The following SNX29 variants were observed in gnomAD, a reference collection of about 807,000 sequenced individuals.
The protein encoded by SNX29 is sorting nexin-29.
SNX29 carries 78 observed loss-of-function variants against 102.1 expected under a neutral mutation model. That is an observed-to-expected ratio of 0.76 (90% confidence interval 0.64 to 0.92). The LOEUF is 0.92. Ranked by LOEUF, SNX29 falls within the 40% of genes least tolerant of loss-of-function variation. The pLI is 0.00. For missense variants in SNX29, 1,280 were observed against 1,061.7 expected (o/e 1.21, Z -2.86); for synonymous variants, 580 against 414.5 (o/e 1.40, Z -4.85).
At chr16:12,564,046 T>C (rs551581737) in intron 20 of SNX29, among the ~76,000 whole-genome samples, 1 of 146,374 alleles carries the variant, frequency 6.8e-6, no homozygotes, top group East Asian at 2.4e-4. Context: ...CGGTAAAAGG[T>C]TGTGGTTTGG....
At chr16:12,550,531 CAA>C (rs34325828) in intron 20 of SNX29, among the ~76,000 whole-genome samples, 43,025 of 107,988 alleles carry the variant, frequency 0.4, 7,514 homozygotes, top group East Asian at 0.71. Flanking sequence ...TCTCAATCTA[CAA>C]AAAAAAAAAA....
chr16:12,476,413 CATATATATATATATAT>C (rs61390803), intron 18 of SNX29, among the ~76,000 whole-genome samples: 4 of 19,526 alleles, frequency 2.0e-4, no homozygotes, highest in African/African-American at 3.1e-4. Context: ...TATATATATA[CATATATATATATATAT>C]ATATATATAT....
At chr16:12,382,767 G>C (rs1395895080) in intron 16 of SNX29, among the ~76,000 whole-genome samples, 1 of 152,120 alleles carries the variant, frequency 6.6e-6, no homozygotes, top group Non-Finnish European at 1.5e-5. Flanking sequence ...TCTAGCCTCG[G>C]GTGGCTCCAG....
At chr16:12,031,532 C>T (rs981823816) in intron 4 of SNX29, among the ~76,000 whole-genome samples, 2 of 151,410 alleles carry the variant, frequency 1.3e-5, no homozygotes, top group African/African-American at 2.4e-5. Context: ...TATGGCCGGG[C>T]GTGGTGGCTC....
chr16:12,566,318 T>G (rs893136077), intron 20 of SNX29, among the ~76,000 whole-genome samples: 1 of 152,084 alleles, frequency 6.6e-6, no homozygotes, highest in Non-Finnish European at 1.5e-5. Context: ...CTATGTCCTC[T>G]CCCTACCCCT....
chr16:12,185,575 C>CT, intron 13 of SNX29, among the ~76,000 whole-genome samples: 1 of 152,296 alleles, frequency 6.6e-6, no homozygotes, highest in African/African-American at 2.4e-5. Flanking sequence ...TCACCTTTCT[C>CT]TCTCCCTCTG....
chr16:12,465,597 A>G (rs913282856), intron 18 of SNX29, among the ~76,000 whole-genome samples: 4 of 152,086 alleles, frequency 2.6e-5, no homozygotes, highest in Non-Finnish European at 4.4e-5. Context: ...GCAGCAAACG[A>G]TTACTGTCGT....
At chr16:12,294,067 C>G (rs1036051058) in intron 15 of SNX29, among the ~76,000 whole-genome samples, 1 of 152,216 alleles carries the variant, frequency 6.6e-6, no homozygotes, top group African/African-American at 2.4e-5. Flanking sequence ...AACTTTGAAT[C>G]CAAACACCAG....
chr16:12,107,506 A>G (rs1451539745), intron 11 of SNX29, among the ~76,000 whole-genome samples: 2 of 152,062 alleles, frequency 1.3e-5, no homozygotes, highest in African/African-American at 4.8e-5. Context: ...GTCTCTACTG[A>G]AAAATACAAA....
intron 20 of SNX29, among the ~76,000 whole-genome samples, chr16:12,538,983 A>G (rs981795841): frequency 1.3e-5 from 2 of 152,196 alleles, no homozygotes; most frequent in Non-Finnish European, 2.9e-5. Flanking sequence ...AATAGGGAGA[A>G]GATAGAACAG....
chr16:12,125,535 C>T (rs1014838280), intron 11 of SNX29, among the ~76,000 whole-genome samples: 3 of 147,824 alleles, frequency 2.0e-5, no homozygotes, highest in Non-Finnish European at 4.5e-5. Flanking sequence ...CCATCGTCCT[C>T]TGTTTCTCAC....
rs1414295614 is a variant in SNX29, at chr16:12,545,183, A to T, written c.2318+20342A>T. On this transcript the variant is annotated intron_variant, in intron 20 of 20. Transcript: ENST00000566228. ...TCTGCCAGCCGTCAGAGAAACAAAT[A>T]TGGTCAATACAAAAAAGGAAGGGGT... Among the ~76,000 whole-genome samples the T allele has an allele frequency of 7.9e-5, 12 of 152,322 alleles. No homozygotes were observed. In the South Asian group the frequency reaches 2.5e-3, roughly 32 times the overall value.
At chr16:12,278,143 G>C in intron 15 of SNX29, 107 bp downstream of exon 15, 1 of 883,220 alleles carries the variant, frequency 1.1e-6, no homozygotes, top group South Asian at 1.5e-5. Flanking sequence ...AAACGACCAA[G>C]CAACTCCTCA....
chr16:12,352,257 A>G (rs2082009980), intron 15 of SNX29, among the ~76,000 whole-genome samples: 2 of 152,090 alleles, frequency 1.3e-5, no homozygotes, highest in Admixed American at 1.3e-4. Flanking sequence ...TCAGCAAACT[A>G]TGGCAAGGAC....
At chr16:12,207,944 A>G (rs2077087290) in intron 14 of SNX29, among the ~76,000 whole-genome samples, 1 of 152,132 alleles carries the variant, frequency 6.6e-6, no homozygotes, top group Non-Finnish European at 1.5e-5. Flanking sequence ...TTCTTCTTTT[A>G]TTAATCAAGT....
chr16:12,541,096 C>T (rs180795054), intron 20 of SNX29, among the ~76,000 whole-genome samples: 224 of 152,296 alleles, frequency 1.5e-3, no homozygotes, highest in Middle Eastern at 0.01. Context: ...GCATCCACTC[C>T]AGGTTTGAAA....
chr16:12,031,278 G>T (rs2057334871), intron 4 of SNX29, among the ~76,000 whole-genome samples: 1 of 151,752 alleles, frequency 6.6e-6, no homozygotes, highest in East Asian at 2.0e-4. Flanking sequence ...CCTCATGTTG[G>T]CTAGGCTGGT....
At chr16:12,193,016 G>A (rs1424757818) in intron 13 of SNX29, among the ~76,000 whole-genome samples, 1 of 151,836 alleles carries the variant, frequency 6.6e-6, no homozygotes, top group African/African-American at 2.4e-5. Flanking sequence ...AAATTTTTTT[G>A]TAGAGATGTG....
chr16:12,300,382 A>T (rs1300801967), intron 15 of SNX29, among the ~76,000 whole-genome samples: 1 of 152,112 alleles, frequency 6.6e-6, no homozygotes, highest in Non-Finnish European at 1.5e-5. Context: ...GATAGCATCG[A>T]TCATCAGTGA....
Sources: allele counts gnomAD v4.1 joint callset (sites outside exome capture counted in the v4.1 genomes callset), GRCh38; gene constraint gnomAD v4.1.1; transcripts MANE v1.5; gene names NCBI Gene and HGNC (gene_info 2026-07-23, HGNC 2026-07-21).